The following GJB6 variants were observed in gnomAD, a reference collection of about 807,000 sequenced individuals.
GJB6 encodes the protein gap junction protein beta 6, also known as gap junction beta-6 protein.
Under a neutral mutation model 5.4 loss-of-function variants are expected in GJB6, and 5 were observed. That is an observed-to-expected ratio of 0.92 (90% CI 0.48 to 1.93). The LOEUF (loss-of-function observed/expected upper bound fraction) is 1.93, where lower values mean the gene tolerates loss of function less well. GJB6 is among the 30% of genes most tolerant of loss of function. The pLI is 0.01. For missense variants in GJB6, 298 were observed against 326.9 expected, an observed-to-expected ratio of 0.91 and a Z score of 0.68; for synonymous variants, 136 against 129.6, an observed-to-expected ratio of 1.05 and a Z score of -0.34.
intron 4 of GJB6, among the ~76,000 whole-genome samples, chr13:20,228,738 C>T (rs1309357418): frequency 6.6e-6 from 1 of 151,858 alleles, no homozygotes; most frequent in African/African-American, 2.4e-5. Flanking sequence ...CCCCCCTTGG[C>T]CTCCCAAAGT....
At chr13:20,229,154 T>TC (rs1869876632) in intron 4 of GJB6, among the ~76,000 whole-genome samples, 1 of 142,492 alleles carries the variant, frequency 7.0e-6, no homozygotes, top group Non-Finnish European at 1.5e-5. Context: ...AAAAAAATTT[T>TC]TTTTTTTTTT....
intron 4 of GJB6, among the ~76,000 whole-genome samples, chr13:20,229,315 A>ATTTTTTTTTT (rs60451416): frequency 1.8e-5 from 1 of 55,296 alleles, no homozygotes; most frequent in Non-Finnish European, 3.5e-5. Context: ...TACCTGGTTA[A>ATTTTTTTTTT]TTTTTTTTTT....
chr13:20,228,597 C>T (rs565675415), intron 4 of GJB6, among the ~76,000 whole-genome samples: 244 of 148,874 alleles, frequency 1.6e-3, no homozygotes, highest in African/African-American at 5.9e-3. Flanking sequence ...CGTTCTCCCG[C>T]CTCAGCCTCT....
chr13:20,228,748 T>C (rs1869823980), intron 4 of GJB6, among the ~76,000 whole-genome samples: 2 of 151,986 alleles, frequency 1.3e-5, no homozygotes, highest in South Asian at 4.2e-4. Flanking sequence ...CCTCCCAAAG[T>C]GCTGGGATTA....
intron 4 of GJB6, among the ~76,000 whole-genome samples, chr13:20,228,475 TTTTTG>T (rs1272500731): frequency 6.8e-6 from 1 of 146,502 alleles, no homozygotes. Flanking sequence ...TTGTTTTTGT[TTTTTG>T]TTTTTGTTTT....
chr13:20,228,539 C>T (rs7338303), intron 4 of GJB6, among the ~76,000 whole-genome samples: 4 of 150,264 alleles, frequency 2.7e-5, no homozygotes, highest in Non-Finnish European at 4.4e-5. Context: ...GCTGGAGTAC[C>T]GTGGCACGAT....
chr13:20,223,155 C>T lies in GJB6; in HGVS notation c.326G>A (p.Gly109Glu), dbSNP rs747722057. Residue 109 changes from glycine (G) to glutamate (E), a missense_variant, in exon 5 of 5, where the codon GGA (glycine) becomes GAA (glutamate). By Grantham distance (98) the Gly-to-Glu change is moderately conservative (BLOSUM62 -2). Coordinates refer to ENST00000647029, the MANE Select transcript of GJB6 (RefSeq NM_001110219.3). ...GTCTTTGAAATCATTCCTCTTCTCT[C>T]CTCGCCTGAACTTGCGAGTGGTTTC... ...RHETTRKFRR[G>E]EKRNDFKDIE... The T allele has an allele frequency of 5.5e-5, 88 of 1,613,820 alleles. No individual in the cohort carries two copies. The highest frequency in any genetic ancestry group is 7.0e-5 in the Non-Finnish European group (82 of 1,179,820).
intron 4 of GJB6, among the ~76,000 whole-genome samples, chr13:20,224,367 T>C (rs1869434272): frequency 6.6e-6 from 1 of 152,254 alleles, no homozygotes; most frequent in Non-Finnish European, 1.5e-5. Context: ...TCATGTGTTC[T>C]TAGGAAATCT....
chr13:20,229,824 C>T (rs1869963045), intron 3 of GJB6, 75 bp from the exon 4 acceptor site: 1 of 134,610 alleles, frequency 7.4e-6, no homozygotes, highest in African/African-American at 2.7e-5. Flanking sequence ...AATATGTCCC[C>T]TGAATAAACT....
Position 20,223,494 on chromosome 13 carries a change from C to A in GJB6, c.-14G>T, listed in dbSNP as rs761780116. ...CCCCCAATCCATTGCGCTGGTTTAT[C>A]CCTAAACAGACAAAAGTGGGCAAAG... is the stretch of plus-strand genomic sequence containing the variant. On this transcript the variant is annotated splice_region_variant and 5_prime_UTR_variant, in exon 5 of 5. Transcript: ENST00000647029. 2 of 1,613,170 alleles carry A rather than the reference C, an allele frequency of 1.2e-6. No individual in the cohort carries two copies. Among genetic ancestry groups the A allele is most frequent in the Non-Finnish European group, 1.7e-6 (2 of 1,179,232 alleles).
In GJB6 at chr13:20,223,190, G is replaced by A. The variant is rs370775704; in HGVS notation, c.291C>T (p.Tyr97=). 46 of 1,612,202 alleles carry A rather than the reference G, an allele frequency of 2.9e-5. No homozygotes were observed. Among genetic ancestry groups the A allele is most frequent in the Non-Finnish European group, 1.4e-5 (16 of 1,178,630 alleles). ...ACTTGCGAGTGGTTTCGTGCCTGTA[G>A]TAGGCCACATGCATGGCCACCAGCA... ...PALLVAMHVA[Y]YRHETTRKFR... is the part of the protein sequence containing the mutation. Residue 97 remains tyrosine (Y), a synonymous_variant, in exon 5 of 5, where the codon TAC becomes TAT. Transcript: ENST00000647029.
In GJB6 at chr13:20,231,463, T is replaced by C. The variant is rs1870081945; in HGVS notation, c.-377A>G. 6.6e-6 allele frequency: 1 copy of C among 152,220 alleles called. No homozygotes were observed. Among genetic ancestry groups the C allele is most frequent in the African/African-American group, 2.4e-5 (1 of 41,452 alleles). The allele number at this position is 152,220 out of a possible 1,614,324, so 9.4% of individuals were successfully genotyped here. A position where few individuals can be genotyped will look rare whatever the true frequency, so the allele number is the denominator to read the frequency against. On this transcript the variant is annotated 5_prime_UTR_variant, in exon 2 of 5. Transcript: ENST00000647029. ...TGCCCGTGACACCGGAGACAGGTCT[T>C]CTTCACCGACAGGAAGTGCCTTCTG...
At chr13:20,224,830 G>A (rs1472965236) in intron 4 of GJB6, among the ~76,000 whole-genome samples, 2 of 152,156 alleles carry the variant, frequency 1.3e-5, no homozygotes, top group East Asian at 3.9e-4. Flanking sequence ...AGTCACCAAA[G>A]TCCTTCTCTT....
intron 4 of GJB6, among the ~76,000 whole-genome samples, chr13:20,228,493 GTTT>G (rs200585465): frequency 7.0e-6 from 1 of 142,986 alleles, no homozygotes; most frequent in Non-Finnish European, 1.5e-5. Context: ...TTTGTTTTTT[GTTT>G]TTTTTGAGAT....
rs1304569701 is a variant in GJB6, at chr13:20,228,649, T to G, written c.-16+931A>C. 2.0e-5 allele frequency among the ~76,000 whole-genome samples: 3 copies of G among 150,886 alleles called. 1 individual carries two copies. The highest frequency in any genetic ancestry group is 7.3e-5 in the African/African-American group (3 of 41,002). On this transcript the variant is annotated intron_variant, in intron 4 of 4. Transcript: ENST00000647029. Reference sequence around the variant, plus strand: ...ACAGGCGCCTGCCACCAAGCCCGGCTAATTTTTTGTATTTTTAGTAGAGAC... The same window carrying G: ...ACAGGCGCCTGCCACCAAGCCCGGCGAATTTTTTGTATTTTTAGTAGAGAC...
chr13:20,228,715 A>C (rs1408455441), intron 4 of GJB6, among the ~76,000 whole-genome samples: 1 of 150,638 alleles, frequency 6.6e-6, no homozygotes, highest in Non-Finnish European at 1.5e-5. Flanking sequence ...CGATCTCCTG[A>C]CCTCATGATC....
chr13:20,229,903 G>C (rs911983960), intron 3 of GJB6, 154 bp from the exon 4 acceptor site: 2 of 145,960 alleles, frequency 1.4e-5, no homozygotes, highest in Non-Finnish European at 3.0e-5. Context: ...GCTTCCTGAT[G>C]CTCTATGCTT....
chr13:20,227,856 T>C (rs891294370), intron 4 of GJB6, among the ~76,000 whole-genome samples: 3 of 152,112 alleles, frequency 2.0e-5, no homozygotes, highest in Admixed American at 6.5e-5. Context: ...GGTGGGAGGA[T>C]GGCAGTAAAC....
rs1280046939 is a variant in GJB6, at chr13:20,231,389, C to T, written c.-303G>A. On this transcript the variant is annotated 5_prime_UTR_variant, in exon 2 of 5. Coordinates refer to ENST00000647029, the MANE Select transcript of GJB6 (RefSeq NM_001110219.3). ...CGGGCAGGCCACACTCACCCTGACC[C>T]TTCCTGCTCCCCAGGAAGGGAGGTC... The T allele has an allele frequency of 6.6e-6, 1 of 152,232 alleles. No individual in the cohort carries two copies. Among genetic ancestry groups the T allele is most frequent in the Non-Finnish European group, 1.5e-5 (1 of 68,062 alleles). The allele number at this position is 152,232 out of a possible 1,614,324, so 9.4% of individuals were successfully genotyped here. A position where few individuals can be genotyped will look rare whatever the true frequency, so the allele number is the denominator to read the frequency against.
Sources: allele counts gnomAD v4.1 joint callset (sites outside exome capture counted in the v4.1 genomes callset), GRCh38; gene constraint gnomAD v4.1.1; transcripts MANE v1.5; gene names NCBI Gene and HGNC (gene_info 2026-07-23, HGNC 2026-07-21).